Variants in TBC1D31 observed in about 807,000 individuals in gnomAD.
The protein encoded by TBC1D31 is WD repeat domain 67.
A neutral mutation model predicts 132.9 loss-of-function variants in TBC1D31; 99 were observed. The observed-to-expected ratio is 0.74, with a 90% confidence interval of 0.63 to 0.88. TBC1D31 has a LOEUF of 0.88. Ranked by LOEUF, TBC1D31 falls within the 40% of genes least tolerant of loss-of-function variation. The pLI is 0.00. For synonymous variants in TBC1D31, 385 were observed against 419.4 expected, an observed-to-expected ratio of 0.92 and a Z score of 1.00; for missense variants, 1,134 against 1,256.6, an observed-to-expected ratio of 0.90 and a Z score of 1.48.
At chr8:123,099,264 C>T (rs896327569) in intron 6 of TBC1D31, among the ~76,000 whole-genome samples, 2 of 151,992 alleles carry the variant, frequency 1.3e-5, no homozygotes, top group Non-Finnish European at 2.9e-5. Flanking sequence ...GGACTATAGG[C>T]GCCTGCCACC....
chr8:123,102,230 C>T lies in TBC1D31; in HGVS notation c.1032+1223C>T, dbSNP rs924518175. The T allele has an allele frequency of 6.6e-6, 3 of 456,606 alleles. No individual in the cohort carries two copies. The East Asian group carries it at 2.1e-4, about 32-fold the overall frequency. 28.3% of individuals were successfully genotyped at this position (456,606 alleles called of 1,614,324 possible). On this transcript the variant is annotated intron_variant, in intron 7 of 21. Transcript: ENST00000287380. ...GACTTTGATGATCACCTGGTCTAAC[C>T]CTTTCATTTTACACAGGAAGAAGTT...
At chr8:123,147,988 G>T (rs1156919910) in intron 20 of TBC1D31, among the ~76,000 whole-genome samples, 1 of 151,958 alleles carries the variant, frequency 6.6e-6, no homozygotes, top group Non-Finnish European at 1.5e-5. Context: ...TTAGCCAGGC[G>T]TGGTGGTACA....
At chr8:123,108,275 T>C (rs540131336) in intron 8 of TBC1D31, among the ~76,000 whole-genome samples, 18 of 152,360 alleles carry the variant, frequency 1.2e-4, no homozygotes, top group African/African-American at 4.3e-4. Context: ...ATCTGTTTCA[T>C]ATAGTTGTTA....
chr8:123,164,615 A>G, the TBC1D31 span, among the ~76,000 whole-genome samples: 2 of 152,004 alleles, frequency 1.3e-5, no homozygotes, highest in Non-Finnish European at 2.9e-5. Flanking sequence ...CTAGCTACTC[A>G]GGAGGCTGAG....
chr8:123,128,577 T>A (rs1820313714), intron 14 of TBC1D31, 64 bp downstream of exon 14: 1 of 1,310,026 alleles, frequency 7.6e-7, no homozygotes, highest in Non-Finnish European at 1.1e-6. Context: ...TAAGAAAGTT[T>A]TAATGAAAAA....
chr8:123,093,784 A>G, intron 5 of TBC1D31, 42 bp downstream of exon 5: 1 of 1,306,590 alleles, frequency 7.7e-7, no homozygotes, highest in Non-Finnish European at 1.0e-6. Context: ...TAAGAAATTT[A>G]ATTTCTGGTA....
At chr8:123,088,540 G>T (rs1816011603) in intron 4 of TBC1D31, among the ~76,000 whole-genome samples, 1 of 152,114 alleles carries the variant, frequency 6.6e-6, no homozygotes, top group African/African-American at 2.4e-5. Context: ...AAAGTAAAAC[G>T]TTCGGTTTTT....
chr8:123,155,404 A>T (rs529843423), downstream of TBC1D31, among the ~76,000 whole-genome samples: 6 of 152,326 alleles, frequency 3.9e-5, 1 homozygote, highest in South Asian at 1.2e-3. The surrounding 1 kb of genome is among the most constrained non-coding windows in gnomAD (Gnocchi z 4.1). Flanking sequence ...GCCAGGCAGA[A>T]GCATTTAATT....
At chr8:123,148,103 G>A (rs1358243730) in intron 20 of TBC1D31, among the ~76,000 whole-genome samples, 2 of 151,214 alleles carry the variant, frequency 1.3e-5, no homozygotes, top group East Asian at 3.9e-4. Context: ...CTCCAGCCTG[G>A]GCGACAGAGC....
intron 11 of TBC1D31, among the ~76,000 whole-genome samples, chr8:123,125,046 A>G (rs16893038): frequency 0.17 from 26,171 of 152,116 alleles, 2,395 homozygotes; most frequent in Admixed American, 0.23. Context: ...AAATTTAAAT[A>G]ATCAATAATA....
At chr8:123,106,220 A>G (rs890638414) in intron 8 of TBC1D31, among the ~76,000 whole-genome samples, 6 of 152,224 alleles carry the variant, frequency 3.9e-5, no homozygotes, top group Admixed American at 3.3e-4. Flanking sequence ...AAAACAATTC[A>G]TAAGTTTTAA....
chr8:123,137,298 G>T (rs1419148279), intron 17 of TBC1D31, among the ~76,000 whole-genome samples: 2 of 152,146 alleles, frequency 1.3e-5, no homozygotes, highest in Non-Finnish European at 2.9e-5. Context: ...TTGCTATAAA[G>T]ATTAAATGAG....
chr8:123,158,894 A>G, the TBC1D31 span, among the ~76,000 whole-genome samples: 1 of 152,020 alleles, frequency 6.6e-6, no homozygotes, highest in Non-Finnish European at 1.5e-5. Flanking sequence ...AGACCCGGAG[A>G]CTGACACCCA....
At chr8:123,163,210 G>A in the TBC1D31 span, among the ~76,000 whole-genome samples, 162 of 151,892 alleles carry the variant, frequency 1.1e-3, no homozygotes, top group African/African-American at 3.7e-3. Context: ...ATGAGTCACC[G>A]CACCTGGCCT....
chr8:123,151,766 G>A, intron 21 of TBC1D31, 40 bp from the exon 22 acceptor site: 1 of 1,529,078 alleles, frequency 6.5e-7, no homozygotes, highest in Non-Finnish European at 8.7e-7. Context: ...GCTAACATCA[G>A]AAAACTCAGC....
At position 123,144,720 on chromosome 8, in the gene TBC1D31, A is replaced by C; in HGVS notation, c.2839A>C (p.Lys947Gln). ...TTTTCCATTTATTTGAATTTAGTGG[A>C]AGGAAGCTGAAGGAAAAGAGTTCCG... ...AMVEEEAKKW[K>Q]EAEGKEFRLR... Residue 947 changes from lysine to glutamine, a missense_variant, in exon 20 of 22, where the codon AAG (lysine) becomes CAG (glutamine). Lys to Gln is a moderately conservative substitution (Grantham distance 53). Transcript: ENST00000287380. 2 of 1,601,656 alleles carry C rather than the reference A, an allele frequency of 1.2e-6. No homozygotes were observed. Among genetic ancestry groups the C allele is most frequent in the Non-Finnish European group, 1.7e-6 (2 of 1,177,010 alleles).
Position 123,084,263 on chromosome 8 carries a change from A to G in TBC1D31, c.442A>G (p.Thr148Ala). The change falls in exon 4 of 22, where the codon ACA (threonine) becomes GCA (alanine). Residue 148 changes from threonine (T) to alanine (A), a missense_variant. Transcript: ENST00000287380. ...ATATGCCATCACAACTTCTTCTGAT[A>G]CAGCACAATTATGGGACTTGGATAC... Reference protein sequence around the residue: ...GKYAITTSSDTAQLWDLDTFQ... With the variant: ...GKYAITTSSDAAQLWDLDTFQ... 6.2e-7 allele frequency: 1 copy of G among 1,614,208 alleles called. No individual in the cohort carries two copies.
chr8:123,130,194 T>G lies in TBC1D31; in HGVS notation c.2271-4T>G, dbSNP rs745446012. On this transcript the variant is annotated splice_polypyrimidine_tract_variant and splice_region_variant and intron_variant, in intron 15 of 21. Coordinates refer to ENST00000287380, the MANE Select transcript of TBC1D31 (RefSeq NM_145647.4). ...TGTTCCACTTGATGTATTTTGTATT[T>G]AAGGCTAGCTGCTGTGAAAAGAGAG... is the stretch of plus-strand genomic sequence containing the variant. The G allele has an allele frequency of 2.6e-5, 42 of 1,604,268 alleles. No homozygotes were observed. The highest frequency in any genetic ancestry group is 3.4e-5 in the Non-Finnish European group (40 of 1,176,242).
intron 10 of TBC1D31, among the ~76,000 whole-genome samples, chr8:123,113,900 A>G (rs1818676953): frequency 6.6e-6 from 1 of 152,238 alleles, no homozygotes; most frequent in African/African-American, 2.4e-5. Context: ...ACCAAATTCA[A>G]TGAGTGAGCC....
Sources: allele counts gnomAD v4.1 joint callset (sites outside exome capture counted in the v4.1 genomes callset), GRCh38; gene constraint gnomAD v4.1.1; non-coding constraint Gnocchi (gnomAD v3.1); transcripts MANE v1.5; gene names NCBI Gene and HGNC (gene_info 2026-07-23, HGNC 2026-07-21).